NCAPH2: variants seen among roughly 807,000 people sequenced by gnomAD.
NCAPH2 encodes the protein condensin-2 complex subunit H2.
In NCAPH2, 56 loss-of-function variants were observed where a neutral mutation model predicts 88.6. The observed-to-expected ratio is 0.63, with a 90% confidence interval of 0.51 to 0.79. The LOEUF is 0.79. NCAPH2 is among the 30% of genes least tolerant of loss of function. The probability of loss-of-function intolerance (pLI) is 0.00; values close to 1 mark genes in which losing one functional copy is unlikely to be tolerated. For missense variants in NCAPH2, 794 were observed against 792.0 expected, an observed-to-expected ratio of 1.00 and a Z score of -0.03; for synonymous variants, 378 against 313.6, an observed-to-expected ratio of 1.21 and a Z score of -2.17.
Position 50,524,178 on chromosome 22 carries a change from C to G in NCAPH2, c.*803C>G. ...GCTGCAGCCTCTCCTTCTCAGCCCTCAGGGCCAGCCAGGCCCCACCGAGTC... is the reference window on the plus strand; with the variant it reads ...GCTGCAGCCTCTCCTTCTCAGCCCTGAGGGCCAGCCAGGCCCCACCGAGTC... On this transcript the variant is annotated 3_prime_UTR_variant, in exon 20 of 20. Transcript: ENST00000420993. 1 of 1,609,444 alleles carries G rather than the reference C, an allele frequency of 6.2e-7. No individual in the cohort carries two copies. The highest frequency in any genetic ancestry group is 2.2e-5 in the East Asian group (1 of 44,880).
rs1382372986 is a variant in NCAPH2, at chr22:50,508,437, C to T, written c.100C>T (p.Leu34=). Reference sequence around the variant, plus strand: ...CGTGGCGGCCCAGCTGGGCGAGTATCTGGAGGAGGTAAGGGCGGCGGGGGA... The same window carrying T: ...CGTGGCGGCCCAGCTGGGCGAGTATTTGGAGGAGGTAAGGGCGGCGGGGGA... ...VDVAAQLGEY[L]EELDQICISF... The change falls in exon 1 of 20, where the codon CTG becomes TTG. Residue 34 remains leucine (L), a synonymous_variant. Coordinates refer to ENST00000420993, the MANE Select transcript of NCAPH2 (RefSeq NM_152299.4). 4 of 1,178,960 alleles carry T rather than the reference C, an allele frequency of 3.4e-6. No individual in the cohort carries two copies. 73.0% of individuals were successfully genotyped at this position (1,178,960 alleles called of 1,614,324 possible).
Position 50,519,231 on chromosome 22 carries a change from G to A in NCAPH2, c.772G>A (p.Asp258Asn). 1 of 1,610,636 alleles carries A rather than the reference G, an allele frequency of 6.2e-7. No individual in the cohort carries two copies. Among genetic ancestry groups the A allele is most frequent in the South Asian group, 1.1e-5 (1 of 90,390 alleles). Residue 258 changes from aspartate (D) to asparagine (N), a missense_variant, in exon 9 of 20, where the codon GAC becomes AAC. Around this residue, in one of 2 missense-constraint regions of NCAPH2, gnomAD observed 735 missense variants for 696.3 expected, o/e 1.06. Transcript: ENST00000420993. ...CCCGATGCCCCTGGGTGGGGGCGAG[G>A]ACGAGGATGCAGAGGAGGCAGTAGA... ...EGPMPLGGGE[D>N]EDAEEAVELP...
At chr22:50,514,636 G>A (rs1485856818) in intron 1 of NCAPH2, among the ~76,000 whole-genome samples, 2 of 152,186 alleles carry the variant, frequency 1.3e-5, no homozygotes, top group Non-Finnish European at 2.9e-5. Context: ...CACTTCTGCA[G>A]CTCAGCTTCC....
At chr22:50,512,405 C>G (rs1051820620) in intron 1 of NCAPH2, among the ~76,000 whole-genome samples, 1 of 152,174 alleles carries the variant, frequency 6.6e-6, no homozygotes, top group African/African-American at 2.4e-5. Flanking sequence ...TTGGTCAGCT[C>G]CCTTCCTGCT....
intron 1 of NCAPH2, chr22:50,515,888 T>A: frequency 1.0e-6 from 1 of 961,552 alleles, no homozygotes; most frequent in Non-Finnish European, 1.4e-6. Context: ...TGGGGCTCAT[T>A]GGCTTATGGT....
At chr22:50,511,283 C>CTTTTTT (rs2068775212) in intron 1 of NCAPH2, among the ~76,000 whole-genome samples, 4 of 127,252 alleles carry the variant, frequency 3.1e-5, no homozygotes, top group African/African-American at 1.6e-4. Flanking sequence ...CTGCCTCAGC[C>CTTTTTT]TCTTTTTTTT....
intron 2 of NCAPH2, 43 bp downstream of exon 2, chr22:50,516,591 T>TGG: frequency 6.3e-7 from 1 of 1,579,420 alleles, no homozygotes; most frequent in Non-Finnish European, 8.7e-7. Flanking sequence ...TGGTGGCCAG[T>TGG]GGGACCACAG....
At position 50,524,454 on chromosome 22, in the gene NCAPH2, G is replaced by A. The variant is rs1365404234; in HGVS notation, c.*1079G>A. ...AAACAAGCACAGGCGTCAGGAGCCAGAAGGGAAGGCCCAGGACAGTGCCTG... is the reference window on the plus strand; with the variant it reads ...AAACAAGCACAGGCGTCAGGAGCCAAAAGGGAAGGCCCAGGACAGTGCCTG... On this transcript the variant is annotated 3_prime_UTR_variant, in exon 20 of 20. Coordinates refer to ENST00000420993, the MANE Select transcript of NCAPH2 (RefSeq NM_152299.4). 3.1e-6 allele frequency: 5 copies of A among 1,599,092 alleles called. No homozygotes were observed. The highest frequency in any genetic ancestry group is 2.2e-5 in the South Asian group (2 of 89,846).
At chr22:50,510,210 C>T (rs113684658) in intron 1 of NCAPH2, among the ~76,000 whole-genome samples, 2 of 152,202 alleles carry the variant, frequency 1.3e-5, no homozygotes, top group African/African-American at 2.4e-5. Context: ...CGTGAGCCAC[C>T]GCGCCCGGCC....
intron 1 of NCAPH2, among the ~76,000 whole-genome samples, chr22:50,511,795 GCCA>G (rs976117814): frequency 6.6e-5 from 10 of 151,262 alleles, no homozygotes; most frequent in Admixed American, 1.3e-4. Context: ...ACAGGCGCCC[GCCA>G]CCACGCCTGG....
At chr22:50,515,694 C>G (rs1569520310) in intron 1 of NCAPH2, 1 of 970,556 alleles carries the variant, frequency 1.0e-6, no homozygotes, top group African/African-American at 1.7e-5. Context: ...CCGCACCCGG[C>G]CTTTTTTTTT....
At chr22:50,515,343 T>A (rs2068885563) in intron 1 of NCAPH2, among the ~76,000 whole-genome samples, 1 of 151,362 alleles carries the variant, frequency 6.6e-6, no homozygotes, top group Non-Finnish European at 1.5e-5. Flanking sequence ...GGAGGATCAC[T>A]GGAGGCCAGG....
chr22:50,517,382 G>A (rs771184206), intron 2 of NCAPH2, 45 bp from the exon 3 acceptor site: 4 of 1,603,614 alleles, frequency 2.5e-6, no homozygotes, highest in Non-Finnish European at 2.6e-6. Flanking sequence ...CCTTGGGGGT[G>A]GGCCCCTCCT....
intron 1 of NCAPH2, chr22:50,515,885 C>T (rs2068907702): frequency 3.0e-6 from 3 of 1,001,318 alleles, no homozygotes; most frequent in African/African-American, 1.7e-5. Context: ...GTTTGGGGCT[C>T]ATTGGCTTAT....
Position 50,522,743 on chromosome 22 carries a change from CG to C in NCAPH2, c.1425+27del, listed in dbSNP as rs765294524. On this transcript the variant is annotated intron_variant, in intron 17 of 19. Transcript: ENST00000420993. ...GTGGTAGGCCTGGGTTAGAGGGAGA[CG>C]GGGAGGGGAGGGGGACAGGTGAGCG... is the stretch of plus-strand genomic sequence containing the variant. 15 of 1,605,818 alleles carry C rather than the reference CG, an allele frequency of 9.3e-6. No individual in the cohort carries two copies. In the African/African-American group the frequency reaches 1.6e-4, roughly 17 times the overall value.
At chr22:50,513,037 A>G (rs1341331464) in intron 1 of NCAPH2, among the ~76,000 whole-genome samples, 1 of 152,244 alleles carries the variant, frequency 6.6e-6, no homozygotes, top group East Asian at 1.9e-4. Flanking sequence ...GAGTAACCGC[A>G]TGGGGGTGTA....
rs769025514 is a variant in NCAPH2, at chr22:50,524,510, C to CA, written c.*1136dup. The CA allele has an allele frequency of 4.0e-5, 50 of 1,252,026 alleles. 2 individuals are homozygous for CA. In the South Asian group the frequency reaches 6.1e-4, roughly 15 times the overall value. 77.6% of individuals were successfully genotyped at this position (1,252,026 alleles called of 1,614,324 possible). A position where few individuals can be genotyped will look rare whatever the true frequency, so the allele number is the denominator to read the frequency against. On this transcript the variant is annotated 3_prime_UTR_variant, in exon 20 of 20. Coordinates refer to ENST00000420993, the MANE Select transcript of NCAPH2 (RefSeq NM_152299.4). ...CCCCTGCGACTTGAGACCAGCCACC[C>CA]ATCTGAAGGACCCAGCCCACGTTCA...
chr22:50,509,251 G>A (rs2068718452), intron 1 of NCAPH2, among the ~76,000 whole-genome samples: 1 of 151,904 alleles, frequency 6.6e-6, no homozygotes, highest in Non-Finnish European at 1.5e-5. Context: ...GCCTGTATTA[G>A]GACAACTACC....
chr22:50,516,894 C>T (rs865850529), intron 2 of NCAPH2, among the ~76,000 whole-genome samples: 1 of 152,208 alleles, frequency 6.6e-6, no homozygotes, highest in South Asian at 2.1e-4. Context: ...AAGTCCACAA[C>T]CACCACCCTC....
Sources: allele counts gnomAD v4.1 joint callset (sites outside exome capture counted in the v4.1 genomes callset), GRCh38; gene constraint gnomAD v4.1.1; regional missense constraint gnomAD v4.1.1; transcripts MANE v1.5; gene names NCBI Gene and HGNC (gene_info 2026-07-23, HGNC 2026-07-21).